SUPT3H: variants seen among roughly 807,000 people sequenced by gnomAD.
SUPT3H encodes SPT3 homolog, SAGA and STAGA complex component, also known as transcription initiation protein SPT3 homolog.
Under a neutral mutation model 44.3 loss-of-function variants are expected in SUPT3H, and 44 were observed. The observed-to-expected ratio is 0.99, with a 90% CI of 0.78 to 1.28. The LOEUF (loss-of-function observed/expected upper bound fraction) is 1.28. Among genes scored for constraint, SUPT3H ranks in the 50% most tolerant of loss-of-function variants. SUPT3H has a pLI of 0.00. For missense variants in SUPT3H, 380 were observed against 387.1 expected (o/e 0.98, Z 0.15); for synonymous variants, 124 against 125.6 (o/e 0.99, Z 0.09).
chr6:45,230,686 A>ATATATTTTTT (rs796866510), intron 2 of SUPT3H, among the ~76,000 whole-genome samples: 2 of 116,796 alleles, frequency 1.7e-5, no homozygotes, highest in African/African-American at 3.1e-5. Flanking sequence ...ATATATATAT[A>ATATATTTTTT]TTTTTGAGAT....
chr6:45,095,323 T>A lies in SUPT3H; in HGVS notation c.186+10599A>T, dbSNP rs548020493. Among the ~76,000 whole-genome samples the A allele has an allele frequency of 6.6e-6, 1 of 152,220 alleles. No individual in the cohort carries two copies. Among genetic ancestry groups the A allele is most frequent in the Non-Finnish European group, 1.5e-5 (1 of 67,974 alleles). On this transcript the variant is annotated intron_variant, in intron 3 of 10. Transcript: ENST00000371459. This position sits in a 1 kb window ranked among gnomAD's most constrained non-coding sequence, Gnocchi z 4.1. ...TTATTACTATTTTAAAACACACCCA[T>A]AAAACATTACTGAGGTGGCATAAGT...
At chr6:44,983,821 C>A (rs971829466) in intron 6 of SUPT3H, among the ~76,000 whole-genome samples, 6 of 152,154 alleles carry the variant, frequency 3.9e-5, no homozygotes, top group Non-Finnish European at 7.4e-5. Flanking sequence ...ACTGGAAGTA[C>A]ACTTTACTTT....
At chr6:45,279,599 C>T (rs930918001) in intron 2 of SUPT3H, among the ~76,000 whole-genome samples, 1 of 152,186 alleles carries the variant, frequency 6.6e-6, no homozygotes, top group African/African-American at 2.4e-5. Context: ...CCTTCCACCA[C>T]GACTGTAAAC....
intron 2 of SUPT3H, among the ~76,000 whole-genome samples, chr6:45,318,107 A>G (rs1353004258): frequency 6.6e-6 from 1 of 152,186 alleles, no homozygotes; most frequent in East Asian, 1.9e-4. Context: ...ACTACATGAC[A>G]TACTGGAAAA....
chr6:45,207,404 T>C (rs1202367835), intron 2 of SUPT3H, among the ~76,000 whole-genome samples: 1 of 152,118 alleles, frequency 6.6e-6, no homozygotes, highest in East Asian at 1.9e-4. Flanking sequence ...TTAGAAAGAA[T>C]GGGAGGATAA....
chr6:45,168,195 T>G (rs1434020056), intron 2 of SUPT3H, among the ~76,000 whole-genome samples: 1 of 152,162 alleles, frequency 6.6e-6, no homozygotes, highest in Non-Finnish European at 1.5e-5. Context: ...TTTGGAAAAC[T>G]GTTTACCTGT....
chr6:45,023,108 GAGA>G (rs1191426564), intron 3 of SUPT3H, among the ~76,000 whole-genome samples: 7 of 151,884 alleles, frequency 4.6e-5, no homozygotes, highest in East Asian at 1.9e-4. Context: ...GTGGGCAAAG[GAGA>G]AGAACAGACA....
At chr6:45,020,853 A>G (rs1699774692) in intron 3 of SUPT3H, among the ~76,000 whole-genome samples, 1 of 151,988 alleles carries the variant, frequency 6.6e-6, no homozygotes. Context: ...AATACAATAA[A>G]CAGAAATCTT....
intron 6 of SUPT3H, among the ~76,000 whole-genome samples, chr6:44,980,300 G>A (rs1778918222): frequency 6.6e-6 from 1 of 150,588 alleles, no homozygotes; most frequent in South Asian, 2.1e-4. Flanking sequence ...TCATTGATAA[G>A]TTCTCGGAAA....
chr6:45,176,220 A>G (rs1316432526), intron 2 of SUPT3H, among the ~76,000 whole-genome samples: 2 of 151,702 alleles, frequency 1.3e-5, no homozygotes, highest in Admixed American at 1.3e-4. Context: ...GGGTGCGCGC[A>G]CCGTGCGCGA....
chr6:44,961,259 T>C (rs1775979390), intron 7 of SUPT3H, among the ~76,000 whole-genome samples: 1 of 152,180 alleles, frequency 6.6e-6, no homozygotes, highest in African/African-American at 2.4e-5. Context: ...TGGCTAACAC[T>C]GAATACATGC....
intron 6 of SUPT3H, among the ~76,000 whole-genome samples, chr6:44,980,633 G>C (rs1367279275): frequency 6.6e-6 from 1 of 152,182 alleles, no homozygotes; most frequent in Non-Finnish European, 1.5e-5. Context: ...GTGGCAAGTA[G>C]TTGTGTCTAC....
At chr6:44,906,706 G>T (rs1766148987) in intron 10 of SUPT3H, among the ~76,000 whole-genome samples, 1 of 152,192 alleles carries the variant, frequency 6.6e-6, no homozygotes, top group Non-Finnish European at 1.5e-5. Context: ...AGGTTGCAGT[G>T]AGCCGAGACT....
chr6:45,143,074 ACC>A (rs1805506199), intron 2 of SUPT3H, among the ~76,000 whole-genome samples: 1 of 152,090 alleles, frequency 6.6e-6, no homozygotes, highest in Non-Finnish European at 1.5e-5. Flanking sequence ...TTACTACTAG[ACC>A]TAAGAAATGA....
intron 3 of SUPT3H, among the ~76,000 whole-genome samples, chr6:45,080,354 T>C (rs1027781967): frequency 1.3e-5 from 2 of 152,118 alleles, no homozygotes; most frequent in Admixed American, 6.5e-5. Flanking sequence ...TGTAAATTAG[T>C]ACAATCACTA....
At chr6:45,266,933 C>T (rs920808822) in intron 2 of SUPT3H, among the ~76,000 whole-genome samples, 1 of 152,000 alleles carries the variant, frequency 6.6e-6, no homozygotes, top group African/African-American at 2.4e-5. Context: ...CCACAACTGA[C>T]CTCATGTGAC....
chr6:45,211,217 T>C (rs1361671765), intron 2 of SUPT3H, among the ~76,000 whole-genome samples: 2 of 152,212 alleles, frequency 1.3e-5, no homozygotes, highest in African/African-American at 2.4e-5. Flanking sequence ...CTAATTTTTA[T>C]AAATGTAAGT....
chr6:44,821,942 C>T (rs557778408), downstream of SUPT3H, among the ~76,000 whole-genome samples: 1 of 152,214 alleles, frequency 6.6e-6, no homozygotes, highest in African/African-American at 2.4e-5. Flanking sequence ...TATAACTTGG[C>T]TTTTGCTATC....
At chr6:44,911,403 T>C (rs1293207858) in intron 10 of SUPT3H, among the ~76,000 whole-genome samples, 2 of 152,166 alleles carry the variant, frequency 1.3e-5, no homozygotes, top group Non-Finnish European at 2.9e-5. Flanking sequence ...TCACTGTTAT[T>C]GACACAACTC....
Sources: gnomAD v4.1 joint callset for allele counts (sites outside exome capture counted in the v4.1 genomes callset) on GRCh38, gnomAD v4.1.1 for gene constraint, Gnocchi (gnomAD v3.1) non-coding constraint, MANE v1.5 for transcripts, NCBI Gene and HGNC (gene_info 2026-07-23, HGNC 2026-07-21) for gene names.